Variants in CLGN observed in about 807,000 individuals in gnomAD.
CLGN encodes the protein calmegin, also known as testis tissue sperm-binding protein Li 79P.
CLGN carries 62 observed loss-of-function variants against 79.1 expected under a neutral mutation model. The observed-to-expected ratio is 0.78, with a 90% CI of 0.64 to 0.97. The LOEUF is 0.97. CLGN is among the 50% of genes least tolerant of loss of function. The probability of loss-of-function intolerance (pLI) is 0.00; values close to 1 mark genes in which losing one functional copy is unlikely to be tolerated. For missense variants in CLGN, 647 were observed against 715.5 expected (o/e 0.90, Z 1.09); for synonymous variants, 225 against 224.7 (o/e 1.00, Z -0.01).
chr4:140,400,713 CA>C (rs1728983795), intron 6 of CLGN, among the ~76,000 whole-genome samples, 164 bp from the exon 7 acceptor site: 1 of 152,048 alleles, frequency 6.6e-6, no homozygotes, highest in African/African-American at 2.4e-5. Flanking sequence ...GGGAAAATGA[CA>C]AATTTTACTT....
chr4:140,404,189 G>A (rs796712608), intron 5 of CLGN, among the ~76,000 whole-genome samples: 61 of 152,098 alleles, frequency 4.0e-4, no homozygotes, highest in African/African-American at 1.4e-3. Context: ...TGCCTCCCGG[G>A]TTCACGCCAT....
chr4:140,414,787 C>T (rs758346707), intron 1 of CLGN, among the ~76,000 whole-genome samples: 1,488 of 138,642 alleles, frequency 0.011, 17 homozygotes, highest in Middle Eastern at 0.042. Context: ...CAGGATATTA[C>T]CCAGGAGAAC....
At chr4:140,398,432 C>T (rs908426830) in intron 8 of CLGN, among the ~76,000 whole-genome samples, 1 of 151,870 alleles carries the variant, frequency 6.6e-6, no homozygotes. Context: ...GCCATGCCCG[C>T]TAATTTTTGT....
At chr4:140,422,135 T>C (rs1729482287) in intron 1 of CLGN, among the ~76,000 whole-genome samples, 1 of 152,212 alleles carries the variant, frequency 6.6e-6, no homozygotes, top group Non-Finnish European at 1.5e-5. Context: ...CCCATTGATA[T>C]ATATGTCTGT....
intron 2 of CLGN, among the ~76,000 whole-genome samples, chr4:140,411,337 A>G (rs1014066654): frequency 4.6e-5 from 7 of 152,134 alleles, no homozygotes; most frequent in African/African-American, 1.7e-4. Context: ...TATAAAGCCA[A>G]GACTGTCTGG....
At chr4:140,427,211 G>A (rs921362339) in intron 1 of CLGN, among the ~76,000 whole-genome samples, 2 of 152,162 alleles carry the variant, frequency 1.3e-5, no homozygotes, top group African/African-American at 4.8e-5. Context: ...GAGGCCGGCC[G>A]GGCTAGGCAC....
intron 10 of CLGN, 140 bp downstream of exon 10, chr4:140,395,679 A>C: frequency 1.8e-6 from 1 of 558,078 alleles, no homozygotes; most frequent in Non-Finnish European, 2.8e-6. Context: ...TAAAATATAA[A>C]TTAGTTGAGG....
intron 13 of CLGN, among the ~76,000 whole-genome samples, chr4:140,391,825 G>A: frequency 6.6e-6 from 1 of 151,884 alleles, no homozygotes; most frequent in Non-Finnish European, 1.5e-5. Flanking sequence ...AAGACTTGGT[G>A]TTGATTTTGT....
Position 140,392,304 on chromosome 4 carries a change from T to G in CLGN, c.1566A>C (p.Glu522Asp). Reference protein sequence around the residue: ...IPQTKGVLEQEEKEEKAALEK... With the variant: ...IPQTKGVLEQDEKEEKAALEK... ...CCAGGGCTGCTTTCTCTTCCTTTTCTTCTTGCTCTAGTACTCCTTTTGTTT... is the reference window on the plus strand; with the variant it reads ...CCAGGGCTGCTTTCTCTTCCTTTTCGTCTTGCTCTAGTACTCCTTTTGTTT... Residue 522 changes from glutamate to aspartate, a missense_variant, in exon 13 of 15, where the codon GAA (glutamate) becomes GAC (aspartate). Glu to Asp is a conservative substitution (Grantham distance 45, BLOSUM62 2). Transcript: ENST00000325617. 2 of 1,613,628 alleles carry G rather than the reference T, an allele frequency of 1.2e-6. No homozygotes were observed. Among genetic ancestry groups the G allele is most frequent in the Non-Finnish European group, 1.7e-6 (2 of 1,179,644 alleles).
At position 140,411,303 on chromosome 4, in the gene CLGN, A is replaced by G. The variant is rs145947220; in HGVS notation, c.145-677T>C. Among the ~76,000 whole-genome samples the G allele has an allele frequency of 1.5e-3, 234 of 152,222 alleles. 2 individuals are homozygous for G. The highest frequency in any genetic ancestry group is 5.3e-3 in the African/African-American group (219 of 41,570). Reference sequence around the variant, plus strand: ...CAAAGTAACTTGCTTACTGCTGTCCAGTTAGATAATTGTAGAACTTACATA... The same window carrying G: ...CAAAGTAACTTGCTTACTGCTGTCCGGTTAGATAATTGTAGAACTTACATA... On this transcript the variant is annotated intron_variant, in intron 2 of 14. Coordinates refer to ENST00000325617, the MANE Select transcript of CLGN (RefSeq NM_004362.3).
In CLGN at chr4:140,400,379, C is replaced by T. The variant is rs866449382; in HGVS notation, c.672G>A (p.Arg224=). 6.2e-7 allele frequency: 1 copy of T among 1,611,154 alleles called. No individual in the cohort carries two copies. Among genetic ancestry groups the T allele is most frequent in the Non-Finnish European group, 8.5e-7 (1 of 1,178,574 alleles). Residue 224 remains arginine (R), a synonymous_variant, in exon 7 of 15, where the codon AGG becomes AGA. Coordinates refer to ENST00000325617, the MANE Select transcript of CLGN (RefSeq NM_004362.3). Reference sequence around the variant, plus strand: ...TACCAAGGGTATAAAGATGAGTCTTCCTGTCTGTAAAGAACTTTTTAAGGT... The same window carrying T: ...TACCAAGGGTATAAAGATGAGTCTTTCTGTCTGTAAAGAACTTTTTAAGGT... ...DVDLKKFFTD[R]KTHLYTLVMN...
At chr4:140,419,251 C>A (rs1390293223) in intron 1 of CLGN, among the ~76,000 whole-genome samples, 3 of 151,964 alleles carry the variant, frequency 2.0e-5, no homozygotes, top group Non-Finnish European at 4.4e-5. Context: ...ATACCTAATG[C>A]TAGATAACGA....
At chr4:140,413,211 T>A in intron 1 of CLGN, 124 bp from the exon 2 acceptor site, 1 of 686,406 alleles carries the variant, frequency 1.5e-6, no homozygotes, top group Non-Finnish European at 2.4e-6. Context: ...TTAAAACAAA[T>A]CACTGACAAA....
At chr4:140,405,175 T>A (rs1372790057) in intron 5 of CLGN, among the ~76,000 whole-genome samples, 1 of 133,674 alleles carries the variant, frequency 7.5e-6, no homozygotes, top group African/African-American at 2.9e-5. Flanking sequence ...TTTTTTTTAT[T>A]TTTATTTTTT....
At chr4:140,392,928 T>C (rs1728803796) in intron 11 of CLGN, among the ~76,000 whole-genome samples, 1 of 152,112 alleles carries the variant, frequency 6.6e-6, no homozygotes, top group African/African-American at 2.4e-5. Flanking sequence ...GAAGGTATGT[T>C]ATGACAAAAG....
chr4:140,407,499 A>G (rs1025815479), intron 4 of CLGN, among the ~76,000 whole-genome samples: 3 of 152,022 alleles, frequency 2.0e-5, no homozygotes, highest in Admixed American at 2.0e-4. Flanking sequence ...TACAAAATCA[A>G]TGTACACAAA....
At position 140,397,128 on chromosome 4, in the gene CLGN, T is replaced by A. The variant is rs77341893; in HGVS notation, c.885-923A>T. On this transcript the variant is annotated intron_variant, in intron 8 of 14. Transcript: ENST00000325617. ...TCTGTGAAAATATAATTGTTAAGAG[T>A]ATGGACATTTTAAATTTTGATAGTA... Among the ~76,000 whole-genome samples the A allele has an allele frequency of 6.7e-3, 1,017 of 151,572 alleles. 60 individuals are homozygous for A. The East Asian group carries it at 0.16, about 24-fold the overall frequency.
At chr4:140,408,957 G>GTA (rs908223775) in intron 4 of CLGN, among the ~76,000 whole-genome samples, 6 of 150,380 alleles carry the variant, frequency 4.0e-5, no homozygotes, top group African/African-American at 4.9e-5. Context: ...GTATATATGT[G>GTA]TATATATATA....
chr4:140,409,513 G>A (rs1206787952), intron 4 of CLGN, among the ~76,000 whole-genome samples: 1 of 151,994 alleles, frequency 6.6e-6, no homozygotes, highest in Non-Finnish European at 1.5e-5. Context: ...ATAGATCAAG[G>A]TGTGTCTATG....
Sources: gnomAD v4.1 joint callset for allele counts (sites outside exome capture counted in the v4.1 genomes callset) on GRCh38, gnomAD v4.1.1 for gene constraint, MANE v1.5 for transcripts, NCBI Gene and HGNC (gene_info 2026-07-23, HGNC 2026-07-21) for gene names.